The following UGT2B17 variants were observed in gnomAD, a reference collection of about 807,000 sequenced individuals.
The protein encoded by UGT2B17 is UDP-glucuronosyltransferase 2B17.
In UGT2B17, 21 loss-of-function variants were observed where a neutral mutation model predicts 48.2. That is an observed-to-expected ratio of 0.44 (90% CI 0.31 to 0.63). The LOEUF is 0.63. UGT2B17 is among the 20% of genes least tolerant of loss of function. The pLI is 0.08. For synonymous variants in UGT2B17, 146 were observed against 238.4 expected, an observed-to-expected ratio of 0.61 and a Z score of 3.57; for missense variants, 402 against 696.1, an observed-to-expected ratio of 0.58 and a Z score of 4.75.
Position 68,549,346 on chromosome 4 carries a change from T to TAA in UGT2B17, c.1313+1329_1313+1330dup, listed in dbSNP as rs397766650. On this transcript the variant is annotated intron_variant, in intron 6 of 6. Coordinates refer to ENST00000317746, the MANE Select transcript of UGT2B17 (RefSeq NM_001077.4). ...GTTTCAAAAGGCATCCTCCAAAAAG[T>TAA]AAAAAAAAAAAAAAATCTATCTGCC... 1.8e-3 allele frequency among the ~76,000 whole-genome samples: 180 copies of TAA among 99,734 alleles called. 32 individuals are homozygous for TAA. The highest frequency in any genetic ancestry group is 2.5e-3 in the Non-Finnish European group (128 of 50,262). The allele number at this position is 99,734 out of a possible 152,430, so 65.4% of individuals were successfully genotyped here.
In UGT2B17 at chr4:68,542,837, C is replaced by T. The variant is rs183519467; in HGVS notation, c.1314-4933G>A. Among the ~76,000 whole-genome samples, 354 of 127,210 alleles carry T rather than the reference C, an allele frequency of 2.8e-3. 61 individuals are homozygous for T. Among genetic ancestry groups the T allele is most frequent in the African/African-American group, 9.1e-3 (341 of 37,282 alleles). 83.5% of individuals were successfully genotyped at this position (127,210 alleles called of 152,430 possible). On this transcript the variant is annotated intron_variant, in intron 6 of 6. Transcript: ENST00000317746. ...AGGGTCCTACGCCCACGGAGCCTCGCTCATTGCTAGCACAGCAGTCTGAGA... is the reference window on the plus strand; with the variant it reads ...AGGGTCCTACGCCCACGGAGCCTCGTTCATTGCTAGCACAGCAGTCTGAGA...
chr4:68,573,680 G>T, intron 1 of UGT2B17, among the ~76,000 whole-genome samples: 1 of 126,436 alleles, frequency 7.9e-6, no homozygotes, highest in African/African-American at 2.7e-5. Context: ...AGGCACAAAT[G>T]CCACTCTAGT....
rs750628097 is a variant in UGT2B17 at position 68,537,901 on chromosome 4, A to G, written c.1317T>C (p.Tyr439=). The G allele has an allele frequency of 6.7e-6, 9 of 1,351,702 alleles. No individual in the cohort carries two copies. The highest frequency in any genetic ancestry group is 8.7e-6 in the Non-Finnish European group (9 of 1,037,766). The allele number at this position is 1,351,702 out of a possible 1,614,324, so 83.7% of individuals were successfully genotyped here. Reference sequence around the variant, plus strand: ...TTGATAATTTCATGATATTCTCTTTATAGCTGAAGGATAAATATAAAGATA... The same window carrying G: ...TTGATAATTTCATGATATTCTCTTTGTAGCTGAAGGATAAATATAAAGATA... ...ALKSVINDPI[Y]KENIMKLSRI... is the part of the protein sequence containing the mutation. Residue 439 remains tyrosine, a synonymous_variant, in exon 7 of 7, where the codon TAT becomes TAC. Transcript: ENST00000317746.
rs1406374338 is a variant in UGT2B17 at position 68,564,916 on chromosome 4, C to G, written c.873+656G>C. ...AGAGATGAGGTTTTACCATGTTGCC[C>G]AGGCTGGTCTCAAACTCCTGAGCCC... On this transcript the variant is annotated intron_variant, in intron 3 of 6. Coordinates refer to ENST00000317746, the MANE Select transcript of UGT2B17 (RefSeq NM_001077.4). 4.0e-5 allele frequency among the ~76,000 whole-genome samples: 5 copies of G among 124,550 alleles called. 2 individuals carry two copies. Among genetic ancestry groups the G allele is most frequent in the African/African-American group, 1.4e-4 (5 of 36,360 alleles). 81.7% of individuals were successfully genotyped at this position (124,550 alleles called of 152,430 possible). A position where few individuals can be genotyped will look rare whatever the true frequency, so the allele number is the denominator to read the frequency against.
At chr4:68,544,206 G>A (rs1327585055) in intron 6 of UGT2B17, among the ~76,000 whole-genome samples, 1 of 126,392 alleles carries the variant, frequency 7.9e-6, no homozygotes, top group Non-Finnish European at 1.7e-5. Flanking sequence ...CCCACAAAGG[G>A]AAGCCCATCA....
intron 4 of UGT2B17, among the ~76,000 whole-genome samples, chr4:68,556,879 AT>A (rs1160237362): frequency 1.6e-5 from 2 of 125,418 alleles, no homozygotes; most frequent in African/African-American, 5.4e-5. Context: ...TTTACCTGTG[AT>A]ATCAAGCTTT....
At chr4:68,547,730 A>C (rs1370048576) in intron 6 of UGT2B17, among the ~76,000 whole-genome samples, 1 of 51,046 alleles carries the variant, frequency 2.0e-5, no homozygotes, top group Non-Finnish European at 7.4e-5. Flanking sequence ...AATTTACAAG[A>C]AAAAAACAAA....
chr4:68,540,950 C>G (rs943262835), intron 6 of UGT2B17, among the ~76,000 whole-genome samples: 1 of 125,632 alleles, frequency 8.0e-6, no homozygotes, highest in African/African-American at 2.7e-5. Context: ...TGAGTTTCAT[C>G]CATGTCCCTG....
In UGT2B17 at chr4:68,563,025, G is replaced by T. The variant is rs747845974; in HGVS notation, c.874-2357C>A. Among the ~76,000 whole-genome samples the T allele has an allele frequency of 2.4e-5, 3 of 126,296 alleles. 1 individual carries two copies. The highest frequency in any genetic ancestry group is 8.1e-5 in the African/African-American group (3 of 36,962). The allele number at this position is 126,296 out of a possible 152,430, so 82.9% of individuals were successfully genotyped here. On this transcript the variant is annotated intron_variant, in intron 3 of 6. Transcript: ENST00000317746. ...GTAAGATATTTGAATTATTTCCAGA[G>T]TTTTTTAACGAATATTTGCTACTAA...
rs538695157 is a variant in UGT2B17 at position 68,558,661 on chromosome 4, C to T, written c.1005+1876G>A. On this transcript the variant is annotated intron_variant, in intron 4 of 6. Coordinates refer to ENST00000317746, the MANE Select transcript of UGT2B17 (RefSeq NM_001077.4). ...AACTTTCCTAATAACTCAGGACCTG[C>T]TTAGGAATAAACCTTCCTTGCCATT... Among the ~76,000 whole-genome samples, 10 of 125,936 alleles carry T rather than the reference C, an allele frequency of 7.9e-5. 2 individuals are homozygous for T. Among genetic ancestry groups the T allele is most frequent in the Non-Finnish European group, 1.7e-4 (10 of 59,352 alleles). The allele number at this position is 125,936 out of a possible 152,430, so 82.6% of individuals were successfully genotyped here. A position where few individuals can be genotyped will look rare whatever the true frequency, so the allele number is the denominator to read the frequency against.
rs1467004014 is a variant in UGT2B17, at chr4:68,573,055, T to C, written c.-65+2896A>G. Among the ~76,000 whole-genome samples, 4 of 127,792 alleles carry C rather than the reference T, an allele frequency of 3.1e-5. 1 individual carries two copies. Among genetic ancestry groups the C allele is most frequent in the Non-Finnish European group, 6.7e-5 (4 of 59,964 alleles). 83.8% of individuals were successfully genotyped at this position (127,792 alleles called of 152,430 possible). ...CAAGCTTTGGTATCTAGTTAGTCTA[T>C]CATTTATTAGCTAATGATGTCCTTT... On this transcript the variant is annotated intron_variant, in intron 1 of 6. Coordinates refer to ENST00000317746, the MANE Select transcript of UGT2B17 (RefSeq NM_001077.4).
At chr4:68,552,304 G>C (rs1391632769) in intron 4 of UGT2B17, among the ~76,000 whole-genome samples, 1 of 125,644 alleles carries the variant, frequency 8.0e-6, no homozygotes, top group Non-Finnish European at 1.7e-5. Flanking sequence ...TGCCTCATTT[G>C]GAGAGGCTAA....
chr4:68,541,274 A>G lies in UGT2B17; in HGVS notation c.1314-3370T>C, dbSNP rs1287768321. Among the ~76,000 whole-genome samples the G allele has an allele frequency of 4.0e-5, 5 of 125,912 alleles. 1 individual carries two copies. Among genetic ancestry groups the G allele is most frequent in the African/African-American group, 8.1e-5 (3 of 36,932 alleles). 82.6% of individuals were successfully genotyped at this position (125,912 alleles called of 152,430 possible). A position where few individuals can be genotyped will look rare whatever the true frequency, so the allele number is the denominator to read the frequency against. On this transcript the variant is annotated intron_variant, in intron 6 of 6. Coordinates refer to ENST00000317746, the MANE Select transcript of UGT2B17 (RefSeq NM_001077.4). ...CTTACATTCCCACCAAAAATGTAAA[A>G]GTTTTCCTATATCTCCCCAGTTTCA...
rs1250481129 is a variant in UGT2B17, at chr4:68,540,355, C to T, written c.1314-2451G>A. 5.5e-5 allele frequency among the ~76,000 whole-genome samples: 7 copies of T among 126,826 alleles called. 2 individuals are homozygous for T. The South Asian group carries it at 1.8e-3, about 33-fold the overall frequency. The allele number at this position is 126,826 out of a possible 152,430, so 83.2% of individuals were successfully genotyped here. A position where few individuals can be genotyped will look rare whatever the true frequency, so the allele number is the denominator to read the frequency against. On this transcript the variant is annotated intron_variant, in intron 6 of 6. Transcript: ENST00000317746. ...TGTTGTGATCTTTGAGATGGAGTCT[C>T]GCTCTGTCACCAGGCTGGAGTGCAG...
Position 68,537,590 on chromosome 4 carries a change from T to A in UGT2B17, c.*35A>T, listed in dbSNP as rs781740962. 1 of 1,303,264 alleles carries A rather than the reference T, an allele frequency of 7.7e-7. No individual in the cohort carries two copies. Among genetic ancestry groups the A allele is most frequent in the Non-Finnish European group, 9.9e-7 (1 of 1,012,008 alleles). 80.7% of individuals were successfully genotyped at this position (1,303,264 alleles called of 1,614,324 possible). On this transcript the variant is annotated 3_prime_UTR_variant, in exon 7 of 7. Coordinates refer to ENST00000317746, the MANE Select transcript of UGT2B17 (RefSeq NM_001077.4). ...ATGCTGGAATAAAGGAGGAGTCCCA[T>A]CTTTTGGTCATTCCACTTCAGGCTT...
rs1730635345 is a variant in UGT2B17 at position 68,540,468 on chromosome 4, T to G, written c.1314-2564A>C. 1.6e-5 allele frequency among the ~76,000 whole-genome samples: 2 copies of G among 125,460 alleles called. 1 individual carries two copies. The highest frequency in any genetic ancestry group is 1.6e-4 in the Admixed American group (2 of 12,258). 82.3% of individuals were successfully genotyped at this position (125,460 alleles called of 152,430 possible). A position where few individuals can be genotyped will look rare whatever the true frequency, so the allele number is the denominator to read the frequency against. On this transcript the variant is annotated intron_variant, in intron 6 of 6. Coordinates refer to ENST00000317746, the MANE Select transcript of UGT2B17 (RefSeq NM_001077.4). ...ACTCCTGAGGAGCTGGGACTACAGGTGCACACCACCATGCCTAGCTAATTT... is the reference window on the plus strand; with the variant it reads ...ACTCCTGAGGAGCTGGGACTACAGGGGCACACCACCATGCCTAGCTAATTT...
intron 6 of UGT2B17, among the ~76,000 whole-genome samples, chr4:68,546,152 T>A (rs1730800230): frequency 7.9e-6 from 1 of 125,948 alleles, no homozygotes; most frequent in African/African-American, 2.7e-5. Context: ...ATATCCCTGA[T>A]GAACATCGAT....
At chr4:68,552,937 G>A (rs1285636717) in intron 4 of UGT2B17, among the ~76,000 whole-genome samples, 2 of 124,370 alleles carry the variant, frequency 1.6e-5, no homozygotes, top group Non-Finnish European at 3.4e-5. Context: ...TGGAGTTTGA[G>A]CTCACTCCCA....
rs200116533 is a variant in UGT2B17 at position 68,568,080 on chromosome 4, C to A, written c.405G>T (p.Lys135Asn). ...IKLCEDAVLN[K>N]KLMRKLQESK... is the part of the protein sequence containing the mutation. ...ACTCTTGTAGTTTTCTCATAAGTTT[C>A]TTGTTCAAAACTGCATCTTCACAGA... is the stretch of plus-strand genomic sequence containing the variant. The change falls in exon 2 of 7, where the codon AAG becomes AAT. Residue 135 changes from lysine to asparagine, a missense_variant. Around this residue, in one of 5 missense-constraint regions of UGT2B17, gnomAD observed 84 missense variants for 92.6 expected, o/e 0.91. Coordinates refer to ENST00000317746, the MANE Select transcript of UGT2B17 (RefSeq NM_001077.4). 2.2e-6 allele frequency: 3 copies of A among 1,383,018 alleles called. 1 individual carries two copies. Among genetic ancestry groups the A allele is most frequent in the Non-Finnish European group, 9.5e-7 (1 of 1,055,420 alleles). The allele number at this position is 1,383,018 out of a possible 1,614,324, so 85.7% of individuals were successfully genotyped here.
Sources: gnomAD v4.1 joint callset for allele counts (sites outside exome capture counted in the v4.1 genomes callset) on GRCh38, gnomAD v4.1.1 for gene constraint, gnomAD v4.1.1 regional missense constraint, MANE v1.5 for transcripts, NCBI Gene and HGNC (gene_info 2026-07-23, HGNC 2026-07-21) for gene names.